FAM110B: variants seen among roughly 807,000 people sequenced by gnomAD.
FAM110B encodes the protein protein FAM110B.
A neutral mutation model predicts 20.4 loss-of-function variants in FAM110B; 6 were observed. That is an observed-to-expected ratio of 0.29 (90% CI 0.16 to 0.58). The LOEUF (loss-of-function observed/expected upper bound fraction) is 0.58. Among genes scored for constraint, FAM110B ranks in the 20% least tolerant of loss-of-function variants. FAM110B has a pLI of 0.90. For missense variants in FAM110B, 434 were observed against 498.2 expected (o/e 0.87, Z 1.23); for synonymous variants, 226 against 214.1 (o/e 1.06, Z -0.49).
intron 3 of FAM110B, among the ~76,000 whole-genome samples, chr8:58,115,918 A>G (rs1039497222): frequency 3.9e-5 from 6 of 152,220 alleles, no homozygotes; most frequent in Non-Finnish European, 7.3e-5. Flanking sequence ...AGAAAGGCCC[A>G]GATTGGAATC....
chr8:58,047,190 A>ATT (rs1805337523), intron 2 of FAM110B, among the ~76,000 whole-genome samples: 1 of 152,252 alleles, frequency 6.6e-6, no homozygotes, highest in African/African-American at 2.4e-5. Flanking sequence ...AGACTCTTTA[A>ATT]TAAGAATGAG....
chr8:58,112,271 G>GCC (rs1807077033), intron 3 of FAM110B, among the ~76,000 whole-genome samples: 4 of 152,346 alleles, frequency 2.6e-5, no homozygotes, highest in African/African-American at 9.6e-5. Flanking sequence ...GGAGGTTGCA[G>GCC]TGAGCCAAGA....
intron 3 of FAM110B, among the ~76,000 whole-genome samples, chr8:58,133,207 T>TG (rs1803525336): frequency 1.3e-5 from 2 of 149,848 alleles, no homozygotes; most frequent in Admixed American, 6.6e-5. Flanking sequence ...TCGATTTTGT[T>TG]TTTTTTTTTT....
chr8:58,092,532 G>T (rs1806508379), intron 3 of FAM110B, among the ~76,000 whole-genome samples: 1 of 152,116 alleles, frequency 6.6e-6, no homozygotes, highest in South Asian at 2.1e-4. Flanking sequence ...CACTGAGATT[G>T]ATAGTTTCTA....
intron 3 of FAM110B, among the ~76,000 whole-genome samples, chr8:58,118,719 C>T (rs554179254): frequency 1.3e-5 from 2 of 152,106 alleles, no homozygotes; most frequent in Non-Finnish European, 1.5e-5. Context: ...TTAAAAACTC[C>T]AAAAATCCCC....
At chr8:58,000,372 T>C (rs955630417) in intron 1 of FAM110B, among the ~76,000 whole-genome samples, 4 of 152,242 alleles carry the variant, frequency 2.6e-5, no homozygotes, top group African/African-American at 9.6e-5. Context: ...TCACATCTCA[T>C]TGTAATGACT....
rs772874905 is a variant in FAM110B at position 58,146,880 on chromosome 8, G to A, written c.650G>A (p.Cys217Tyr). ...GTGAAGCCCCTCAAGGCCATCCCCT[G>A]CAGTAGCTCTGCCCCTCCCCTGCCT... is the stretch of plus-strand genomic sequence containing the variant. ...TSVKPLKAIP[C>Y]SSSAPPLPPK... The change falls in exon 4 of 4, where the codon TGC becomes TAC. Residue 217 changes from cysteine to tyrosine, a missense_variant. Coordinates refer to ENST00000519262, the MANE Select transcript of FAM110B (RefSeq NM_001377989.1). 10 of 1,614,114 alleles carry A rather than the reference G, an allele frequency of 6.2e-6. No individual in the cohort carries two copies. The Admixed American group carries it at 1.7e-4, about 27-fold the overall frequency.
At chr8:58,119,749 G>T (rs1807307205) in intron 3 of FAM110B, among the ~76,000 whole-genome samples, 1 of 152,276 alleles carries the variant, frequency 6.6e-6, no homozygotes, top group Admixed American at 6.5e-5. Flanking sequence ...TCCCAGGCTG[G>T]CCTGTGGAAA....
chr8:58,108,622 A>AGAT (rs1388044515), intron 3 of FAM110B, among the ~76,000 whole-genome samples: 1 of 152,228 alleles, frequency 6.6e-6, no homozygotes, highest in Admixed American at 6.5e-5. Context: ...TGGAAGCTCC[A>AGAT]GATGATTCCA....
Position 58,022,303 on chromosome 8 carries a change from C to G in FAM110B, c.-511-9303C>G, listed in dbSNP as rs1206206137. ...ACAGAAGGACAAATGCTGCATAATT[C>G]CACTTACACAAAGTACCTAGAGTAG... On this transcript the variant is annotated intron_variant, in intron 1 of 3. Transcript: ENST00000519262. 3.8e-4 allele frequency among the ~76,000 whole-genome samples: 58 copies of G among 152,240 alleles called. 1 individual carries two copies. Among genetic ancestry groups the G allele is most frequent in the Non-Finnish European group, 2.9e-4 (20 of 68,030 alleles).
intron 1 of FAM110B, among the ~76,000 whole-genome samples, chr8:58,008,106 A>G (rs1804449751): frequency 6.7e-6 from 1 of 149,138 alleles, no homozygotes; most frequent in Non-Finnish European, 1.5e-5. Context: ...ATGACAGTGT[A>G]GGAGTCGTGA....
At chr8:58,072,841 T>C (rs996778183) in intron 2 of FAM110B, among the ~76,000 whole-genome samples, 1 of 152,176 alleles carries the variant, frequency 6.6e-6, no homozygotes, top group Non-Finnish European at 1.5e-5. Flanking sequence ...ATGAAAAATA[T>C]GATGTGCCGC....
intron 1 of FAM110B, among the ~76,000 whole-genome samples, chr8:58,002,171 G>A (rs1804311964): frequency 6.6e-6 from 1 of 152,088 alleles, no homozygotes. Flanking sequence ...TCAATTCAAT[G>A]CTGATTTCCT....
intron 2 of FAM110B, among the ~76,000 whole-genome samples, chr8:58,039,625 G>A (rs1213859429): frequency 6.6e-6 from 1 of 152,244 alleles, no homozygotes; most frequent in Non-Finnish European, 1.5e-5. Flanking sequence ...CTATGGGACA[G>A]TGGGAAGTAC....
chr8:58,084,350 A>G (rs1235364344), intron 3 of FAM110B, among the ~76,000 whole-genome samples: 3 of 150,106 alleles, frequency 2.0e-5, no homozygotes, highest in African/African-American at 7.3e-5. Context: ...AAAATTCTCT[A>G]TGTTTTCCTT....
At chr8:58,037,544 C>T (rs768743923) in intron 2 of FAM110B, among the ~76,000 whole-genome samples, 10 of 151,716 alleles carry the variant, frequency 6.6e-5, no homozygotes, top group Non-Finnish European at 1.3e-4. Flanking sequence ...TAAGCTTAGG[C>T]AGGAGGATTG....
chr8:58,128,846 A>AT (rs916332624), intron 3 of FAM110B, among the ~76,000 whole-genome samples: 11 of 151,598 alleles, frequency 7.3e-5, no homozygotes, highest in East Asian at 3.9e-4. Context: ...TAAGTTTTAT[A>AT]TTTTTTTTTC....
rs1554521043 is a variant in FAM110B at position 58,075,267 on chromosome 8, T to TGTGTGTGTGTGTGTGTGTGTG, written c.-413-268_-413-267insGTGTGTGTGTGTGTGTGTGTG. Among the ~76,000 whole-genome samples, 464 of 134,208 alleles carry TGTGTGTGTGTGTGTGTGTGTG rather than the reference T, an allele frequency of 3.5e-3. 10 individuals are homozygous for TGTGTGTGTGTGTGTGTGTGTG. The highest frequency in any genetic ancestry group is 0.017 in the South Asian group (79 of 4,558). The allele number at this position is 134,208 out of a possible 152,430, so 88.0% of individuals were successfully genotyped here. On this transcript the variant is annotated intron_variant, in intron 2 of 3. Coordinates refer to ENST00000519262, the MANE Select transcript of FAM110B (RefSeq NM_001377989.1). ...CCACACTGAACTAATTTTTGCTTTT[T>TGTGTGTGTGTGTGTGTGTGTG]TTTTTTTTTGTGTGTGTGTGTGTGT...
chr8:58,091,533 G>T, intron 3 of FAM110B: 1 of 151,952 alleles, frequency 6.6e-6, no homozygotes, highest in East Asian at 1.9e-4. Context: ...TTATAATCAC[G>T]TCGGCTGTAG....
Sources: allele counts gnomAD v4.1 joint callset (sites outside exome capture counted in the v4.1 genomes callset), GRCh38; gene constraint gnomAD v4.1.1; transcripts MANE v1.5; gene names NCBI Gene and HGNC (gene_info 2026-07-23, HGNC 2026-07-21).